CBLB: variants seen among roughly 807,000 people sequenced by gnomAD.
The protein encoded by CBLB is E3 ubiquitin-protein ligase CBL-B.
A neutral mutation model predicts 104.9 loss-of-function variants in CBLB; 31 were observed. The ratio of observed to expected loss-of-function variants is 0.30; its 90% CI spans 0.22 to 0.40. The LOEUF (loss-of-function observed/expected upper bound fraction) is 0.40. Ranked by LOEUF, CBLB falls within the 10% of genes least tolerant of loss-of-function variation. CBLB has a pLI of 1.00. For missense variants in CBLB, 1,062 were observed against 1,214.6 expected (o/e 0.87, Z 1.87); for synonymous variants, 440 against 422.6 (o/e 1.04, Z -0.51).
intron 18 of CBLB, among the ~76,000 whole-genome samples, chr3:105,660,354 A>AT (rs746956695): frequency 0.023 from 3,331 of 143,772 alleles, 122 homozygotes; most frequent in African/African-American, 0.076. Context: ...TGCCTGGCTA[A>AT]TTTTTTTTTT....
intron 3 of CBLB, among the ~76,000 whole-genome samples, chr3:105,804,190 C>A (rs868121940): frequency 1.3e-5 from 2 of 152,086 alleles, no homozygotes; most frequent in South Asian, 4.1e-4. Context: ...TTGAAATAGG[C>A]TATAAATGCG....
At chr3:105,666,983 C>T (rs188583726) in intron 18 of CBLB, among the ~76,000 whole-genome samples, 22 of 152,260 alleles carry the variant, frequency 1.4e-4, no homozygotes, top group African/African-American at 5.1e-4. Context: ...AGTGAAGCCA[C>T]GATTTCCAAT....
chr3:105,725,144 T>C (rs960829002), intron 9 of CBLB, among the ~76,000 whole-genome samples: 3 of 152,166 alleles, frequency 2.0e-5, no homozygotes, highest in Non-Finnish European at 4.4e-5. Context: ...CTACAATCAA[T>C]GAATATTCTG....
intron 10 of CBLB, among the ~76,000 whole-genome samples, chr3:105,718,362 T>C (rs999809497): frequency 6.6e-6 from 1 of 152,176 alleles, no homozygotes; most frequent in East Asian, 1.9e-4. Flanking sequence ...ATGTTGGTGA[T>C]GTTAACATAT....
chr3:105,678,685 C>T, intron 16 of CBLB, 114 bp from the exon 17 acceptor site: 2 of 1,214,724 alleles, frequency 1.6e-6, no homozygotes, highest in Non-Finnish European at 2.4e-6. Context: ...ATTTCACTCG[C>T]AGGGTTTATC....
At chr3:105,696,417 C>T (rs2068396383) in intron 12 of CBLB, among the ~76,000 whole-genome samples, 2 of 151,768 alleles carry the variant, frequency 1.3e-5, no homozygotes, top group Non-Finnish European at 3.0e-5. Context: ...CTGCCACTAC[C>T]TGAGTGAGTA....
chr3:105,741,212 G>T (rs377491395), intron 6 of CBLB, among the ~76,000 whole-genome samples: 1 of 147,696 alleles, frequency 6.8e-6, no homozygotes, highest in Non-Finnish European at 1.5e-5. Flanking sequence ...TTTTTGAGAC[G>T]CAGTCTCACT....
At position 105,785,275 on chromosome 3, in the gene CBLB, A is replaced by G. The variant is rs543367054; in HGVS notation, c.420-8733T>C. On this transcript the variant is annotated intron_variant, in intron 3 of 18. Coordinates refer to ENST00000394030, the MANE Select transcript of CBLB (RefSeq NM_170662.5). ...CCCAAAACTGTGCTAATGAACAGACAGATAGGAATAGCCTATAAAATTAGT... is the reference window on the plus strand; with the variant it reads ...CCCAAAACTGTGCTAATGAACAGACGGATAGGAATAGCCTATAAAATTAGT... 2.5e-4 allele frequency among the ~76,000 whole-genome samples: 38 copies of G among 152,384 alleles called. 1 individual carries two copies. The South Asian group carries it at 7.7e-3, about 31-fold the overall frequency.
At chr3:105,835,139 A>G (rs986770803) in intron 3 of CBLB, among the ~76,000 whole-genome samples, 1 of 152,144 alleles carries the variant, frequency 6.6e-6, no homozygotes, top group African/African-American at 2.4e-5. Context: ...GATTCTTTTC[A>G]TTGGTGAAAA....
At position 105,704,088 on chromosome 3, in the gene CBLB, T is replaced by G. The variant is rs1576470425; in HGVS notation, c.1493A>C (p.Gln498Pro). Residue 498 changes from glutamine to proline, a missense_variant, in exon 11 of 19, where the codon CAG (glutamine) becomes CCG (proline). Coordinates refer to ENST00000394030, the MANE Select transcript of CBLB (RefSeq NM_170662.5). ...GGGTGGCAGGCTTAGATGTGGGATC[T>G]GGAGTGGGTCAGGCTGTGGCTTTCT... ...QRRKPQPDPLQIPHLSLPPVP... is the reference protein window; with the variant it reads ...QRRKPQPDPLPIPHLSLPPVP... 1 of 1,614,134 alleles carries G rather than the reference T, an allele frequency of 6.2e-7. No individual in the cohort carries two copies. The highest frequency in any genetic ancestry group is 8.5e-7 in the Non-Finnish European group (1 of 1,179,992).
intron 13 of CBLB, among the ~76,000 whole-genome samples, chr3:105,692,017 A>T (rs1367774243): frequency 6.6e-6 from 1 of 152,188 alleles, no homozygotes; most frequent in East Asian, 1.9e-4. Flanking sequence ...ATGATTTCAT[A>T]TACATTAATG....
intron 9 of CBLB, among the ~76,000 whole-genome samples, chr3:105,722,654 C>T (rs990291167): frequency 1.3e-5 from 2 of 152,272 alleles, no homozygotes; most frequent in South Asian, 4.1e-4. Context: ...GCAAGCCACA[C>T]TATTAGGCTA....
intron 10 of CBLB, among the ~76,000 whole-genome samples, chr3:105,711,049 T>C (rs547608621): frequency 6.6e-6 from 1 of 152,048 alleles, no homozygotes; most frequent in South Asian, 2.1e-4. Flanking sequence ...AAAACGTTAA[T>C]AAGATCCATT....
rs1404467708 is a variant in CBLB at position 105,658,259 on chromosome 3, C to T, written c.*711G>A. The stretch of plus-strand genomic sequence containing the variant: ...ACAAAACTTAAACAAAAAAGGGAAG[C>T]TCCTCTATGTTATGTGAAAACCCCT... On this transcript the variant is annotated 3_prime_UTR_variant, in exon 19 of 19. Transcript: ENST00000394030. The T allele has an allele frequency of 1.4e-5, 3 of 219,256 alleles. No homozygotes were observed. Among genetic ancestry groups the T allele is most frequent in the Non-Finnish European group, 1.8e-5 (2 of 109,156 alleles). 13.6% of individuals were successfully genotyped at this position (219,256 alleles called of 1,614,324 possible). A position where few individuals can be genotyped will look rare whatever the true frequency, so the allele number is the denominator to read the frequency against.
intron 2 of CBLB, among the ~76,000 whole-genome samples, chr3:105,855,059 G>A (rs975905348): frequency 1.3e-5 from 2 of 152,150 alleles, no homozygotes; most frequent in Non-Finnish European, 2.9e-5. Context: ...TGGGTTTAAT[G>A]GAAGGTATAT....
intron 13 of CBLB, among the ~76,000 whole-genome samples, chr3:105,688,417 C>A (rs2067267706): frequency 6.6e-6 from 1 of 152,038 alleles, no homozygotes; most frequent in Non-Finnish European, 1.5e-5. Context: ...ATACATTCAT[C>A]TTCTACATAT....
In CBLB at chr3:105,829,330, C is replaced by T. The variant is rs181798816; in HGVS notation, c.419+24084G>A. ...GTCTTTCCATAAAGATGTTTTGTCACAGTAAAGGCAAGAAGATCAACTCTC... is the reference window on the plus strand; with the variant it reads ...GTCTTTCCATAAAGATGTTTTGTCATAGTAAAGGCAAGAAGATCAACTCTC... On this transcript the variant is annotated intron_variant, in intron 3 of 18. Transcript: ENST00000394030. 1.7e-3 allele frequency among the ~76,000 whole-genome samples: 252 copies of T among 152,102 alleles called. 1 individual carries two copies. The highest frequency in any genetic ancestry group is 4.5e-3 in the African/African-American group (185 of 41,506).
At chr3:105,806,753 G>C (rs1037518274) in intron 3 of CBLB, among the ~76,000 whole-genome samples, 4 of 152,006 alleles carry the variant, frequency 2.6e-5, no homozygotes, top group African/African-American at 9.7e-5. Context: ...TGCACAAAAA[G>C]GAGATATGGC....
intron 13 of CBLB, among the ~76,000 whole-genome samples, chr3:105,686,472 C>A (rs1292724464): frequency 3.3e-5 from 5 of 151,150 alleles, no homozygotes; most frequent in African/African-American, 1.2e-4. Flanking sequence ...AACAAAAAAA[C>A]TAAGTGACTG....
Sources: allele counts gnomAD v4.1 joint callset (sites outside exome capture counted in the v4.1 genomes callset), GRCh38; gene constraint gnomAD v4.1.1; transcripts MANE v1.5; gene names NCBI Gene and HGNC (gene_info 2026-07-23, HGNC 2026-07-21).